Variants in IGF1 observed in about 807,000 individuals in gnomAD.
IGF1 encodes insulin like growth factor 1.
Under a neutral mutation model 13.8 loss-of-function variants are expected in IGF1, and 4 were observed. The observed-to-expected ratio is 0.29, with a 90% CI of 0.14 to 0.66. IGF1 has a LOEUF of 0.66. Ranked by LOEUF, IGF1 falls within the 30% of genes least tolerant of loss-of-function variation. The probability of loss-of-function intolerance (pLI) is 0.78; values close to 1 mark genes in which losing one functional copy is unlikely to be tolerated. For synonymous variants in IGF1, 76 were observed against 72.6 expected (o/e 1.05, Z -0.23); for missense variants, 124 against 188.5 (o/e 0.66, Z 2.00).
At chr12:102,470,822 G>T (rs1193400857) in intron 2 of IGF1, among the ~76,000 whole-genome samples, 1 of 152,178 alleles carries the variant, frequency 6.6e-6, no homozygotes, top group Non-Finnish European at 1.5e-5. Flanking sequence ...GTAATAGGCT[G>T]GGAAGAGGCT....
chr12:102,422,474 C>T (rs990850226), intron 2 of IGF1, among the ~76,000 whole-genome samples: 4 of 152,128 alleles, frequency 2.6e-5, no homozygotes, highest in African/African-American at 7.2e-5. Flanking sequence ...TCTGGCTCTA[C>T]ATCAAAATAT....
intron 2 of IGF1, among the ~76,000 whole-genome samples, chr12:102,438,681 T>C (rs1053090937): frequency 1.3e-5 from 2 of 152,172 alleles, no homozygotes; most frequent in Non-Finnish European, 2.9e-5. Flanking sequence ...CCTTTGGGAA[T>C]GTAAACAATT....
At chr12:102,414,475 G>T (rs994683916) in intron 3 of IGF1, among the ~76,000 whole-genome samples, 13 of 152,206 alleles carry the variant, frequency 8.5e-5, no homozygotes, top group African/African-American at 3.1e-4. Flanking sequence ...AAGCTGGGAT[G>T]CAGCGGCAGG....
intron 3 of IGF1, among the ~76,000 whole-genome samples, chr12:102,408,121 A>G (rs777563402): frequency 6.6e-6 from 1 of 152,218 alleles, no homozygotes; most frequent in Admixed American, 6.5e-5. Context: ...TGTACAGCAT[A>G]AAGTACTAAC....
At chr12:102,457,406 T>C (rs1057017004) in intron 2 of IGF1, among the ~76,000 whole-genome samples, 1 of 152,194 alleles carries the variant, frequency 6.6e-6, no homozygotes, top group Admixed American at 6.5e-5. Context: ...TGACGCATCA[T>C]TGAACTTGAG....
chr12:102,421,611 A>C (rs1021640970), intron 2 of IGF1, among the ~76,000 whole-genome samples: 9 of 152,100 alleles, frequency 5.9e-5, no homozygotes, highest in African/African-American at 2.2e-4. Flanking sequence ...TGAAACTATA[A>C]ATTTCCTAAT....
Position 102,477,307 on chromosome 12 carries a change from G to A in IGF1, c.64-1508C>T, listed in dbSNP as rs150465581. Among the ~76,000 whole-genome samples the A allele has an allele frequency of 3.4e-3, 514 of 150,686 alleles. 1 individual carries two copies. Among genetic ancestry groups the A allele is most frequent in the African/African-American group, 0.012 (485 of 41,106 alleles). ...AAAAAAACCAAAACCCCTGTCTCTC[G>A]TTAACAAAATATAAATATTCAGTTA... On this transcript the variant is annotated intron_variant, in intron 1 of 3. Coordinates refer to ENST00000337514, the MANE Select transcript of IGF1 (RefSeq NM_000618.5).
chr12:102,425,575 T>C (rs1360428557), intron 2 of IGF1, among the ~76,000 whole-genome samples: 1 of 152,240 alleles, frequency 6.6e-6, no homozygotes, highest in African/African-American at 2.4e-5. Context: ...TCTATGGGGC[T>C]GCCCCTTTGT....
chr12:102,441,470 G>A (rs1448738082), intron 2 of IGF1, among the ~76,000 whole-genome samples: 1 of 152,176 alleles, frequency 6.6e-6, no homozygotes, highest in Non-Finnish European at 1.5e-5. Context: ...TAGATGAGCT[G>A]AAGCAAAGGG....
rs374220338 is a variant in IGF1, at chr12:102,423,392, A to G, written c.221-3702T>C. On this transcript the variant is annotated intron_variant, in intron 2 of 3. Transcript: ENST00000337514. ...TGCACTTACTCAACTGTTAGAATGA[A>G]TAGGCATGTATAACATTCCACATAA... is the stretch of plus-strand genomic sequence containing the variant. 1.1e-4 allele frequency among the ~76,000 whole-genome samples: 17 copies of G among 152,262 alleles called. 1 individual carries two copies. The highest frequency in any genetic ancestry group is 2.0e-4 in the Admixed American group (3 of 15,298).
intron 2 of IGF1, among the ~76,000 whole-genome samples, chr12:102,471,301 AG>A (rs1880670311): frequency 6.6e-6 from 1 of 152,200 alleles, no homozygotes. Flanking sequence ...AGTCTGTTAA[AG>A]CTAGAAGAGG....
chr12:102,419,771 CACAGCTAGTCA>C, intron 2 of IGF1, 81 bp from the exon 3 acceptor site: 2 of 1,356,870 alleles, frequency 1.5e-6, no homozygotes, highest in Non-Finnish European at 2.1e-6. Context: ...TGCCTCTCCC[CACAGCTAGTCA>C]ACCTACATAT....
In IGF1 at chr12:102,415,768, G is replaced by A. The variant is rs536137646; in HGVS notation, c.402+3741C>T. The A allele has an allele frequency of 3.3e-5, 5 of 152,262 alleles. No individual in the cohort carries two copies. In the East Asian group the frequency reaches 9.6e-4, roughly 29 times the overall value. 9.4% of individuals were successfully genotyped at this position (152,262 alleles called of 1,614,324 possible). On this transcript the variant is annotated intron_variant, in intron 3 of 3. Transcript: ENST00000337514. ...TGTGGTCCTTTGAAGAGCCATCTGT[G>A]TCTATATGCTACTCTAAGGTGATGG...
chr12:102,421,504 G>T (rs1875716559), intron 2 of IGF1, among the ~76,000 whole-genome samples: 1 of 152,104 alleles, frequency 6.6e-6, no homozygotes, highest in South Asian at 2.1e-4. Flanking sequence ...ATACCCTTTG[G>T]CTTCTCTCTT....
At position 102,396,790 on chromosome 12, in the gene IGF1, T is replaced by C. The variant is rs1159329156; in HGVS notation, c.*5717A>G. The C allele has an allele frequency of 2.8e-5, 7 of 247,648 alleles. No individual in the cohort carries two copies. Among genetic ancestry groups the C allele is most frequent in the Non-Finnish European group, 5.5e-5 (7 of 127,920 alleles). 15.3% of individuals were successfully genotyped at this position (247,648 alleles called of 1,614,324 possible). On this transcript the variant is annotated 3_prime_UTR_variant, in exon 4 of 4. Transcript: ENST00000337514. ...TAACATTTGGTTTTGTGTCCTCTCT[T>C]TTTTTTTTTTTACTTTAAAAAAGCT...
In IGF1 at chr12:102,398,069, A is replaced by G. The variant is rs1216535974; in HGVS notation, c.*4438T>C. The G allele has an allele frequency of 6.6e-6, 1 of 150,576 alleles. No homozygotes were observed. Among genetic ancestry groups the G allele is most frequent in the African/African-American group, 2.4e-5 (1 of 40,918 alleles). 9.3% of individuals were successfully genotyped at this position (150,576 alleles called of 1,614,324 possible). A position where few individuals can be genotyped will look rare whatever the true frequency, so the allele number is the denominator to read the frequency against. Reference sequence around the variant, plus strand: ...AGTCATTTTGAACATTAAGAAATTCATAAAGACTGTATAAAGTAAAAAAAA... The same window carrying G: ...AGTCATTTTGAACATTAAGAAATTCGTAAAGACTGTATAAAGTAAAAAAAA... On this transcript the variant is annotated 3_prime_UTR_variant, in exon 4 of 4. Coordinates refer to ENST00000337514, the MANE Select transcript of IGF1 (RefSeq NM_000618.5).
At chr12:102,463,021 A>G (rs1242661047) in intron 2 of IGF1, 1 of 152,224 alleles carries the variant, frequency 6.6e-6, no homozygotes, top group Non-Finnish European at 1.5e-5. Flanking sequence ...ATGAGCCAAC[A>G]ATAGTCTTAC....
At chr12:102,478,587 G>A in intron 1 of IGF1, 4 of 1,564,818 alleles carry the variant, frequency 2.6e-6, no homozygotes, top group Non-Finnish European at 1.7e-6. Flanking sequence ...TTAAAAACAT[G>A]TGCTGCTTTG....
intron 2 of IGF1, among the ~76,000 whole-genome samples, chr12:102,421,348 A>T (rs1458381271): frequency 2.6e-5 from 4 of 152,080 alleles, no homozygotes; most frequent in Admixed American, 2.6e-4. Context: ...AATGTAAACA[A>T]TATTTTTTTG....
Sources: gnomAD v4.1 joint callset for allele counts (sites outside exome capture counted in the v4.1 genomes callset) on GRCh38, gnomAD v4.1.1 for gene constraint, MANE v1.5 for transcripts, NCBI Gene and HGNC (gene_info 2026-07-23, HGNC 2026-07-21) for gene names.